Variants in ERBB4 observed in about 807,000 individuals in gnomAD.
The protein encoded by ERBB4 is erb-b2 receptor tyrosine kinase 4, also known as receptor tyrosine-protein kinase erbB-4.
Under a neutral mutation model 158.0 loss-of-function variants are expected in ERBB4, and 42 were observed. That is an observed-to-expected ratio of 0.27 (90% CI 0.21 to 0.34). ERBB4 has a LOEUF of 0.34. Ranked by LOEUF, ERBB4 falls within the 10% of genes least tolerant of loss-of-function variation. The pLI, the probability that ERBB4 is intolerant of heterozygous loss-of-function variation, is 1.00. For missense variants in ERBB4, 1,333 were observed against 1,624.1 expected (o/e 0.82, Z 3.08); for synonymous variants, 583 against 558.7 (o/e 1.04, Z -0.61).
At chr2:211,977,566 G>A (rs1575463449) in intron 2 of ERBB4, among the ~76,000 whole-genome samples, 2 of 100,384 alleles carry the variant, frequency 2.0e-5, no homozygotes, top group South Asian at 4.1e-4. Context: ...GGCTGGGTCC[G>A]GTGGCTCATA....
intron 1 of ERBB4, among the ~76,000 whole-genome samples, chr2:212,295,399 A>G (rs2086373842): frequency 6.6e-6 from 1 of 152,040 alleles, no homozygotes; most frequent in Non-Finnish European, 1.5e-5. Flanking sequence ...CAGATTTTTG[A>G]ACCTCAAAAT....
chr2:211,715,172 A>C (rs12162287), intron 7 of ERBB4, among the ~76,000 whole-genome samples: 121,141 of 152,174 alleles, frequency 0.8, 48,906 homozygotes, highest in African/African-American at 0.93. Context: ...TATATGAAGT[A>C]ATGAGCTTGT....
intron 3 of ERBB4, among the ~76,000 whole-genome samples, chr2:211,825,310 A>G (rs2105953491): frequency 6.6e-6 from 1 of 152,056 alleles, no homozygotes; most frequent in Non-Finnish European, 1.5e-5. Flanking sequence ...GAGACTACAC[A>G]TTGAGAATAC....
At chr2:211,973,569 G>C (rs999106141) in intron 2 of ERBB4, among the ~76,000 whole-genome samples, 2 of 152,042 alleles carry the variant, frequency 1.3e-5, no homozygotes, top group African/African-American at 2.4e-5. Flanking sequence ...TTATTAAAAA[G>C]TCAAAAAAAT....
chr2:212,515,715 A>T (rs887199794), intron 1 of ERBB4, among the ~76,000 whole-genome samples: 8 of 152,130 alleles, frequency 5.3e-5, no homozygotes, highest in Admixed American at 2.0e-4. Flanking sequence ...AACAAAAAAA[A>T]TTTTGAAATC....
At chr2:212,351,654 T>C (rs10204716) in intron 1 of ERBB4, among the ~76,000 whole-genome samples, 26,130 of 152,186 alleles carry the variant, frequency 0.17, 2,430 homozygotes, top group South Asian at 0.3. Flanking sequence ...AGTTCTGTCA[T>C]CATGCTAACC....
intron 3 of ERBB4, among the ~76,000 whole-genome samples, chr2:211,839,490 C>T (rs1647106800): frequency 6.6e-6 from 1 of 152,044 alleles, no homozygotes; most frequent in Non-Finnish European, 1.5e-5. Context: ...CAAAACAATT[C>T]TCAACTAGGT....
chr2:212,414,881 G>C (rs938168635), intron 1 of ERBB4, among the ~76,000 whole-genome samples: 6 of 152,196 alleles, frequency 3.9e-5, no homozygotes, highest in African/African-American at 1.2e-4. Flanking sequence ...TACACGCACA[G>C]ATTTCTGTCT....
At chr2:211,863,037 TGCACCAATCATCACTCTGTAAAAAC>T (rs2078105357) in intron 3 of ERBB4, among the ~76,000 whole-genome samples, 1 of 151,936 alleles carries the variant, frequency 6.6e-6, no homozygotes, top group South Asian at 2.1e-4. Flanking sequence ...GGATTGTAAA[TGCACCAATCATCACTCTGTAAAAAC>T]GCACCAATCA....
At chr2:211,732,759 C>A (rs2074466962) in intron 5 of ERBB4, among the ~76,000 whole-genome samples, 1 of 152,066 alleles carries the variant, frequency 6.6e-6, no homozygotes, top group South Asian at 2.1e-4. Context: ...GAGTGACCAG[C>A]CTGACCAACA....
intron 2 of ERBB4, among the ~76,000 whole-genome samples, chr2:212,025,049 A>G (rs2076742442): frequency 6.6e-6 from 1 of 151,838 alleles, no homozygotes; most frequent in African/African-American, 2.4e-5. Flanking sequence ...CATATAGTAG[A>G]CACCTAATAA....
chr2:211,482,964 ATAATAT>A (rs1559212785), intron 20 of ERBB4, among the ~76,000 whole-genome samples: 1 of 152,086 alleles, frequency 6.6e-6, no homozygotes, highest in African/African-American at 2.4e-5. Context: ...AATGATACAA[ATAATAT>A]TACTAGTAGA....
intron 3 of ERBB4, among the ~76,000 whole-genome samples, chr2:211,907,395 C>T (rs1197380779): frequency 6.6e-6 from 1 of 150,822 alleles, no homozygotes; most frequent in Non-Finnish European, 1.5e-5. Flanking sequence ...CAAGTAGGCA[C>T]TGAAAAGCAT....
chr2:212,341,578 C>T (rs2135157), intron 1 of ERBB4, among the ~76,000 whole-genome samples: 94,924 of 151,882 alleles, frequency 0.62, 30,889 homozygotes, highest in East Asian at 0.8. Context: ...GAGGGATAGA[C>T]GAGAGCTCCA....
rs34492305 is a variant in ERBB4 at position 211,675,792 on chromosome 2, T to TTATATATATA, written c.1623-2545_1623-2536dup. 5.6e-3 allele frequency among the ~76,000 whole-genome samples: 520 copies of TTATATATATA among 93,572 alleles called. 5 individuals are homozygous for TTATATATATA. The highest frequency in any genetic ancestry group is 0.014 in the African/African-American group (446 of 31,926). 61.4% of individuals were successfully genotyped at this position (93,572 alleles called of 152,430 possible). A position where few individuals can be genotyped will look rare whatever the true frequency, so the allele number is the denominator to read the frequency against. ...TATAATATATATATAAAATATAATATTATATATATATATATATAACAAATA... is the reference window on the plus strand; with the variant it reads ...TATAATATATATATAAAATATAATATTATATATATATATATATATATATATATAACAAATA... On this transcript the variant is annotated intron_variant, in intron 13 of 27. Transcript: ENST00000342788.
chr2:211,392,527 G>A (rs1449441243), intron 25 of ERBB4, among the ~76,000 whole-genome samples: 1 of 148,964 alleles, frequency 6.7e-6, no homozygotes, highest in African/African-American at 2.5e-5. Flanking sequence ...GATTCTGTGG[G>A]ACTCTACTTT....
chr2:211,853,592 G>T (rs1474318355), intron 3 of ERBB4, among the ~76,000 whole-genome samples: 2 of 152,022 alleles, frequency 1.3e-5, no homozygotes, highest in Non-Finnish European at 2.9e-5. Context: ...GTGATATGGA[G>T]GCAGTGGTCT....
Position 211,384,003 on chromosome 2 carries a change from A to T in ERBB4, c.3539T>A (p.Leu1180His). The change falls in exon 28 of 28, where the codon CTT becomes CAT. Residue 1180 changes from leucine to histidine, a missense_variant. Coordinates refer to ENST00000342788, the MANE Select transcript of ERBB4 (RefSeq NM_005235.3). Reference protein sequence around the residue: ...PFVSRRKNGDLQALDNPEYHN... With the variant: ...PFVSRRKNGDHQALDNPEYHN... ...ATATTCGGGATTATCCAATGCTTGA[A>T]GGTCTCCATTTTTTCTCCGAGAAAC... 1 of 1,614,110 alleles carries T rather than the reference A, an allele frequency of 6.2e-7. No individual in the cohort carries two copies. The highest frequency in any genetic ancestry group is 8.5e-7 in the Non-Finnish European group (1 of 1,179,988).
intron 1 of ERBB4, among the ~76,000 whole-genome samples, chr2:212,351,346 G>A (rs906449181): frequency 2.6e-5 from 4 of 152,018 alleles, no homozygotes; most frequent in Non-Finnish European, 4.4e-5. Flanking sequence ...CAGAACTATG[G>A]TAAAATAAAT....
Sources: gnomAD v4.1 joint callset for allele counts (sites outside exome capture counted in the v4.1 genomes callset) on GRCh38, gnomAD v4.1.1 for gene constraint, MANE v1.5 for transcripts, NCBI Gene and HGNC (gene_info 2026-07-23, HGNC 2026-07-21) for gene names.